The following CACNA1C variants were observed in gnomAD, a reference collection of about 807,000 sequenced individuals.
The protein encoded by CACNA1C is voltage-dependent L-type calcium channel subunit alpha-1C.
Under a neutral mutation model 229.0 loss-of-function variants are expected in CACNA1C, and 30 were observed. The ratio of observed to expected loss-of-function variants is 0.13; its 90% CI spans 0.10 to 0.18. The LOEUF (loss-of-function observed/expected upper bound fraction) is 0.18, where lower values mean the gene tolerates loss of function less well. Ranked by LOEUF, CACNA1C falls within the 10% of genes least tolerant of loss-of-function variation. The pLI is 1.00. For missense variants in CACNA1C, 1,658 were observed against 2,845.0 expected (o/e 0.58, Z 9.49); for synonymous variants, 1,114 against 1,132.5 (o/e 0.98, Z 0.33).
chr12:2,110,207 C>T (rs1023669264), intron 1 of CACNA1C, among the ~76,000 whole-genome samples: 7 of 152,228 alleles, frequency 4.6e-5, no homozygotes, highest in African/African-American at 9.6e-5. Context: ...CTGGCCAGAC[C>T]GTGCTGGGGT....
intron 1 of CACNA1C, among the ~76,000 whole-genome samples, chr12:2,035,417 G>C (rs1428001411): frequency 6.6e-6 from 1 of 152,264 alleles, no homozygotes; most frequent in East Asian, 1.9e-4. Flanking sequence ...GCAAGGCAGG[G>C]AGTGGGTAGG....
intron 5 of CACNA1C, among the ~76,000 whole-genome samples, chr12:2,459,172 T>G (rs1309305469): frequency 0.083 from 1,475 of 17,748 alleles, 21 homozygotes; most frequent in African/African-American, 0.23. Flanking sequence ...TGTGTGTGTT[T>G]TTTTTTTTTT....
At position 2,099,120 on chromosome 12, in the gene CACNA1C, C is replaced by T. The variant is rs115705382; in HGVS notation, c.50-16104C>T. 1.5e-3 allele frequency among the ~76,000 whole-genome samples: 233 copies of T among 152,220 alleles called. 6 individuals are homozygous for T. Among genetic ancestry groups the T allele is most frequent in the African/African-American group, 5.1e-3 (211 of 41,530 alleles). Reference sequence around the variant, plus strand: ...TAGTCTCGCTGCCGCTCACTCTGGGCGCATAGCCCTGCTCATGCTTCATGG... The same window carrying T: ...TAGTCTCGCTGCCGCTCACTCTGGGTGCATAGCCCTGCTCATGCTTCATGG... On this transcript the variant is annotated intron_variant, in intron 1 of 46. Transcript: ENST00000399655.
intron 3 of CACNA1C, among the ~76,000 whole-genome samples, chr12:2,258,545 G>A (rs1171103895): frequency 6.6e-6 from 1 of 152,060 alleles, no homozygotes; most frequent in Non-Finnish European, 1.5e-5. Flanking sequence ...TCTTGCATAT[G>A]TAGAACCTGA....
chr12:2,562,359 C>G (rs996608535), intron 11 of CACNA1C, among the ~76,000 whole-genome samples: 1 of 152,248 alleles, frequency 6.6e-6, no homozygotes, highest in Non-Finnish European at 1.5e-5. Flanking sequence ...TAACAATTAT[C>G]AGTGATTTCT....
intron 31 of CACNA1C, 150 bp downstream of exon 31, chr12:2,648,657 G>GT: frequency 1.4e-6 from 1 of 713,552 alleles, no homozygotes; most frequent in East Asian, 2.6e-5. Context: ...TTGCCTGCCT[G>GT]TTCCCTTCTC....
intron 3 of CACNA1C, among the ~76,000 whole-genome samples, chr12:2,290,903 A>T (rs888296238): frequency 6.6e-6 from 1 of 152,192 alleles, no homozygotes; most frequent in African/African-American, 2.4e-5. Context: ...GGACTGCTCT[A>T]AAATAGCCCT....
intron 3 of CACNA1C, among the ~76,000 whole-genome samples, chr12:2,406,364 C>G (rs560883646): frequency 1.1e-4 from 17 of 152,302 alleles, no homozygotes; most frequent in Middle Eastern, 3.4e-3. Context: ...TCCTCTTTCT[C>G]TCCTTCTGGA....
intron 3 of CACNA1C, among the ~76,000 whole-genome samples, chr12:2,262,214 G>C (rs1257525292): frequency 6.6e-6 from 1 of 152,202 alleles, no homozygotes; most frequent in Non-Finnish European, 1.5e-5. Context: ...CCCATCAGGG[G>C]CTTGCAGACC....
intron 3 of CACNA1C, among the ~76,000 whole-genome samples, chr12:2,174,225 C>T (rs962167316): frequency 2.0e-5 from 3 of 152,002 alleles, no homozygotes; most frequent in Admixed American, 1.3e-4. Flanking sequence ...AAACTCTAGA[C>T]ATCACCAGTG....
At chr12:2,580,645 C>G (rs1163763777) in intron 13 of CACNA1C, among the ~76,000 whole-genome samples, 1 of 152,202 alleles carries the variant, frequency 6.6e-6, no homozygotes, top group Non-Finnish European at 1.5e-5. Context: ...TAGGTTCCCC[C>G]TCCCACTTTG....
intron 5 of CACNA1C, among the ~76,000 whole-genome samples, chr12:2,458,798 A>G (rs1370106611): frequency 1.3e-5 from 2 of 152,076 alleles, no homozygotes; most frequent in African/African-American, 2.4e-5. Flanking sequence ...TAACCAGTTT[A>G]CTTTTTGTTC....
intron 45 of CACNA1C, 58 bp from the exon 46 acceptor site, chr12:2,688,389 G>T: frequency 6.6e-7 from 1 of 1,521,698 alleles, no homozygotes; most frequent in Non-Finnish European, 9.1e-7. Context: ...AGAAGCAGGG[G>T]CCTGCCTTGT....
chr12:2,392,180 C>G (rs1269444851), intron 3 of CACNA1C, among the ~76,000 whole-genome samples: 2 of 152,134 alleles, frequency 1.3e-5, no homozygotes, highest in East Asian at 3.8e-4. Context: ...CAGGCATTGA[C>G]CGATAATAAA....
At chr12:2,151,334 A>G (rs1319978187) in intron 3 of CACNA1C, among the ~76,000 whole-genome samples, 2 of 150,190 alleles carry the variant, frequency 1.3e-5, no homozygotes, top group African/African-American at 2.5e-5. Flanking sequence ...GATTCTTTGT[A>G]TATACCACTG....
intron 30 of CACNA1C, among the ~76,000 whole-genome samples, chr12:2,634,788 T>C (rs1362384542): frequency 6.6e-6 from 1 of 152,122 alleles, no homozygotes; most frequent in Admixed American, 6.5e-5. Flanking sequence ...CTCCAGCCAC[T>C]GCCTTCCCTA....
In CACNA1C at chr12:2,575,426, G is replaced by T. The variant is rs2154594213; in HGVS notation, c.1896-6164G>T. 6.6e-6 allele frequency among the ~76,000 whole-genome samples: 1 copy of T among 152,178 alleles called. No individual in the cohort carries two copies. Among genetic ancestry groups the T allele is most frequent in the East Asian group, 1.9e-4 (1 of 5,160 alleles). ...AGCTCTATTGTGTCTTAAGGGGCTG[G>T]GGCTCAATTTGACGGAAGCTCTGCT... On this transcript the variant is annotated intron_variant, in intron 13 of 46. Coordinates refer to ENST00000399655, the MANE Select transcript of CACNA1C (RefSeq NM_000719.7). This position sits in a 1 kb window ranked among gnomAD's most constrained non-coding sequence, Gnocchi z 4.0.
intron 4 of CACNA1C, among the ~76,000 whole-genome samples, chr12:2,451,724 T>C (rs2099376471): frequency 6.6e-6 from 1 of 152,234 alleles, no homozygotes; most frequent in Non-Finnish European, 1.5e-5. Context: ...GCCAGGCTTT[T>C]TCTGGGGTCA....
chr12:2,004,334 T>C (rs2042917749), intron 1 of CACNA1C: 1 of 1,613,292 alleles, frequency 6.2e-7, no homozygotes, highest in African/African-American at 1.3e-5. Flanking sequence ...GCTGGCCACG[T>C]CCACGATGCG....
Sources: allele counts gnomAD v4.1 joint callset (sites outside exome capture counted in the v4.1 genomes callset), GRCh38; gene constraint gnomAD v4.1.1; non-coding constraint Gnocchi (gnomAD v3.1); transcripts MANE v1.5; gene names NCBI Gene and HGNC (gene_info 2026-07-23, HGNC 2026-07-21).